BARD1: variants seen among roughly 807,000 people sequenced by gnomAD.
BARD1 encodes the protein BRCA1 associated RING domain 1.
BARD1 carries 73 observed loss-of-function variants against 77.0 expected under a neutral mutation model. That is an observed-to-expected ratio of 0.95 (90% CI 0.79 to 1.15). The LOEUF (loss-of-function observed/expected upper bound fraction) is 1.15. Ranked by LOEUF, BARD1 falls within the 50% of genes most tolerant of loss-of-function variation. BARD1 has a pLI of 0.00. For synonymous variants in BARD1, 384 were observed against 338.0 expected (o/e 1.14, Z -1.49); for missense variants, 993 against 938.8 (o/e 1.06, Z -0.75).
intron 9 of BARD1, among the ~76,000 whole-genome samples, chr2:214,739,488 C>T (rs1396179432): frequency 2.0e-5 from 3 of 151,872 alleles, no homozygotes; most frequent in East Asian, 3.9e-4. Flanking sequence ...ACTTTTTAGT[C>T]GAGTAAACTA....
At chr2:214,756,758 A>G (rs1276973791) in intron 6 of BARD1, among the ~76,000 whole-genome samples, 3 of 152,192 alleles carry the variant, frequency 2.0e-5, no homozygotes, top group East Asian at 3.9e-4. Context: ...GTTCTCATTC[A>G]TAAGTGGAAG....
intron 9 of BARD1, among the ~76,000 whole-genome samples, chr2:214,743,168 AC>A (rs1428913400): frequency 6.6e-6 from 1 of 152,192 alleles, no homozygotes; most frequent in African/African-American, 2.4e-5. Flanking sequence ...GACAAGCATC[AC>A]AAAAAAAGAA....
chr2:214,754,291 A>G (rs1693594518), intron 6 of BARD1, among the ~76,000 whole-genome samples: 1 of 151,912 alleles, frequency 6.6e-6, no homozygotes, highest in Non-Finnish European at 1.5e-5. Flanking sequence ...CTGCATAGCC[A>G]TGATTGCACC....
intron 10 of BARD1, among the ~76,000 whole-genome samples, chr2:214,729,841 G>T (rs1692270061): frequency 1.3e-5 from 2 of 152,204 alleles, no homozygotes; most frequent in Non-Finnish European, 2.9e-5. Flanking sequence ...ACCAACCTAA[G>T]GTCTCCAGGG....
At chr2:214,738,954 G>A (rs990994475) in intron 9 of BARD1, among the ~76,000 whole-genome samples, 1 of 151,954 alleles carries the variant, frequency 6.6e-6, no homozygotes, top group East Asian at 1.9e-4. Context: ...AGAACAGCCT[G>A]GGCAACAAAG....
chr2:214,790,544 C>A (rs1362324247), intron 3 of BARD1, among the ~76,000 whole-genome samples: 2 of 152,176 alleles, frequency 1.3e-5, no homozygotes, highest in African/African-American at 4.8e-5. Flanking sequence ...ACCTTGCATA[C>A]ACTTTCATCT....
intron 1 of BARD1, among the ~76,000 whole-genome samples, chr2:214,806,796 C>T (rs1202036621): frequency 6.8e-6 from 1 of 146,358 alleles, no homozygotes; most frequent in Non-Finnish European, 1.5e-5. Flanking sequence ...ATTGCTTGAA[C>T]CCGGGGGAAG....
rs181948389 is a variant in BARD1 at position 214,773,496 on chromosome 2, C to T, written c.1315-4184G>A. ...TACAGGCATATCTCGGAGATACTGT[C>T]AGTTCAGTTCCAGGTCACTGCGATA... On this transcript the variant is annotated intron_variant, in intron 4 of 10. Transcript: ENST00000260947. Among the ~76,000 whole-genome samples the T allele has an allele frequency of 3.0e-3, 452 of 152,254 alleles. 4 individuals are homozygous for T. The highest frequency in any genetic ancestry group is 4.0e-3 in the Non-Finnish European group (272 of 68,010).
chr2:214,730,323 C>T (rs1559373709), intron 10 of BARD1, 88 bp downstream of exon 10: 2 of 1,113,114 alleles, frequency 1.8e-6, no homozygotes, highest in Non-Finnish European at 2.7e-6. Context: ...TCACCTGTAG[C>T]TGTTGAAAGG....
At chr2:214,745,368 A>C (rs148497100) in intron 8 of BARD1, among the ~76,000 whole-genome samples, 2 of 152,344 alleles carry the variant, frequency 1.3e-5, no homozygotes, top group African/African-American at 2.4e-5. Flanking sequence ...TAAACCATAT[A>C]TCTTAAAGCC....
intron 1 of BARD1, among the ~76,000 whole-genome samples, chr2:214,802,773 A>G (rs1696082372): frequency 1.3e-5 from 2 of 152,236 alleles, no homozygotes; most frequent in Non-Finnish European, 2.9e-5. Context: ...CAAACAAATA[A>G]GAGAAGACAT....
At chr2:214,751,837 C>T (rs916316571) in intron 7 of BARD1, among the ~76,000 whole-genome samples, 9 of 152,170 alleles carry the variant, frequency 5.9e-5, no homozygotes, top group Non-Finnish European at 4.4e-5. Flanking sequence ...TGTAATCTAT[C>T]CGAAAGTCCC....
At chr2:214,780,342 T>A (rs1694924388) in intron 4 of BARD1, among the ~76,000 whole-genome samples, 1 of 152,132 alleles carries the variant, frequency 6.6e-6, no homozygotes. Context: ...AAATATTGGT[T>A]TTCTCCTACA....
In BARD1 at chr2:214,797,028, T is replaced by C. The variant is rs1327874527; in HGVS notation, c.215+33A>G. 6 of 1,513,336 alleles carry C rather than the reference T, an allele frequency of 4.0e-6. No individual in the cohort carries two copies. In the South Asian group the frequency reaches 4.5e-5, roughly 11 times the overall value. The allele number at this position is 1,513,336 out of a possible 1,614,324, so 93.7% of individuals were successfully genotyped here. On this transcript the variant is annotated intron_variant, in intron 2 of 10. Transcript: ENST00000260947. ...GATTGTTATCTAGTAAAAAATACAG[T>C]TGTACTATATACATCAAACCGTAAT...
chr2:214,761,803 C>G (rs930813871), intron 6 of BARD1, among the ~76,000 whole-genome samples: 1 of 152,114 alleles, frequency 6.6e-6, no homozygotes, highest in Non-Finnish European at 1.5e-5. Context: ...GACTATAACT[C>G]TATGGGTCAG....
chr2:214,751,152 T>TA (rs1559393375), intron 7 of BARD1, among the ~76,000 whole-genome samples: 3 of 49,362 alleles, frequency 6.1e-5, no homozygotes, highest in African/African-American at 2.2e-4. Flanking sequence ...TATATATATA[T>TA]TTTTTTTTTT....
intron 4 of BARD1, 86 bp from the exon 5 acceptor site, chr2:214,769,398 T>A: frequency 9.6e-7 from 1 of 1,041,386 alleles, no homozygotes. Context: ...CCTTCTTCAA[T>A]ATAAAGTAAA....
intron 4 of BARD1, among the ~76,000 whole-genome samples, chr2:214,771,924 G>GAAA (rs10602414): frequency 4.0e-4 from 43 of 107,126 alleles, no homozygotes; most frequent in African/African-American, 1.0e-3. Context: ...CCAGTTTCAG[G>GAAA]AAAAAAAAAA....
chr2:214,747,260 A>G (rs1428870612), intron 7 of BARD1, among the ~76,000 whole-genome samples: 1 of 151,930 alleles, frequency 6.6e-6, no homozygotes, highest in Non-Finnish European at 1.5e-5. Context: ...TGTTAGTGGG[A>G]CTGTAAACTA....
Sources: gnomAD v4.1 joint callset for allele counts (sites outside exome capture counted in the v4.1 genomes callset) on GRCh38, gnomAD v4.1.1 for gene constraint, MANE v1.5 for transcripts, NCBI Gene and HGNC (gene_info 2026-07-23, HGNC 2026-07-21) for gene names.